Variants in NELL1 observed in about 807,000 individuals in gnomAD.
NELL1 encodes neural EGFL like 1.
In NELL1, 76 loss-of-function variants were observed where a neutral mutation model predicts 107.4. That is an observed-to-expected ratio of 0.71 (90% CI 0.59 to 0.86). The LOEUF is 0.86. Ranked by LOEUF, NELL1 falls within the 40% of genes least tolerant of loss-of-function variation. The pLI, the probability that NELL1 is intolerant of heterozygous loss-of-function variation, is 0.00. For synonymous variants in NELL1, 353 were observed against 341.2 expected, an observed-to-expected ratio of 1.03 and a Z score of -0.38; for missense variants, 1,024 against 1,005.5, an observed-to-expected ratio of 1.02 and a Z score of -0.25.
At position 21,350,029 on chromosome 11, in the gene NELL1, A is replaced by T. The variant is rs560680239; in HGVS notation, c.1550-20824A>T. Reference sequence around the variant, plus strand: ...ATAATTTTTAAAAATCTGATAGATGATAGGACACCTCAGCAGTCATGCTTG... The same window carrying T: ...ATAATTTTTAAAAATCTGATAGATGTTAGGACACCTCAGCAGTCATGCTTG... On this transcript the variant is annotated intron_variant, in intron 14 of 19. Transcript: ENST00000357134. 9.2e-5 allele frequency among the ~76,000 whole-genome samples: 14 copies of T among 152,286 alleles called. No homozygotes were observed. The East Asian group carries it at 2.5e-3, about 27-fold the overall frequency.
chr11:21,479,643 A>G (rs1016288440), intron 15 of NELL1, among the ~76,000 whole-genome samples: 1 of 152,346 alleles, frequency 6.6e-6, no homozygotes. Context: ...GACTAAAGTC[A>G]ACAGTAATTC....
chr11:21,047,524 CTTAG>C (rs148194434), intron 12 of NELL1, among the ~76,000 whole-genome samples: 2,292 of 152,154 alleles, frequency 0.015, 61 homozygotes, highest in African/African-American at 0.05. Context: ...CAAATGCCTA[CTTAG>C]TTAGTAGTAG....
At chr11:20,860,387 A>C (rs1848956975) in intron 4 of NELL1, among the ~76,000 whole-genome samples, 1 of 152,212 alleles carries the variant, frequency 6.6e-6, no homozygotes, top group Admixed American at 6.5e-5. Context: ...TGAATGAATG[A>C]ATAAATGGCA....
intron 13 of NELL1, among the ~76,000 whole-genome samples, chr11:21,208,855 G>A (rs896792585): frequency 1.3e-5 from 2 of 152,122 alleles, no homozygotes; most frequent in African/African-American, 4.8e-5. Context: ...GTTCCACCAA[G>A]GGTAATAGAA....
intron 12 of NELL1, among the ~76,000 whole-genome samples, chr11:21,066,713 G>T (rs1853880458): frequency 6.6e-6 from 1 of 152,098 alleles, no homozygotes; most frequent in Non-Finnish European, 1.5e-5. Context: ...ACTTTGGGAG[G>T]CTGAGGTGGG....
intron 12 of NELL1, among the ~76,000 whole-genome samples, chr11:20,994,034 A>G (rs1333981632): frequency 6.6e-6 from 1 of 152,242 alleles, no homozygotes; most frequent in Non-Finnish European, 1.5e-5. Context: ...GTAATCATGT[A>G]ATCCCTATCT....
chr11:20,932,782 C>G (rs1446794762), intron 9 of NELL1, among the ~76,000 whole-genome samples: 2 of 152,196 alleles, frequency 1.3e-5, no homozygotes, highest in Non-Finnish European at 2.9e-5. Flanking sequence ...ATGCTCTTGA[C>G]CTGTTGGCTC....
At chr11:21,306,655 C>G (rs1849611079) in intron 14 of NELL1, among the ~76,000 whole-genome samples, 1 of 151,996 alleles carries the variant, frequency 6.6e-6, no homozygotes, top group Admixed American at 6.6e-5. Context: ...TCAACTTCAC[C>G]TAATAAATGA....
At chr11:20,756,861 A>G (rs1177196610) in intron 2 of NELL1, among the ~76,000 whole-genome samples, 1 of 152,078 alleles carries the variant, frequency 6.6e-6, no homozygotes, top group African/African-American at 2.4e-5. Context: ...GCTCGTATTC[A>G]GTTCTGGGCA....
chr11:21,444,503 G>C (rs771547739), intron 15 of NELL1, among the ~76,000 whole-genome samples: 1 of 152,024 alleles, frequency 6.6e-6, no homozygotes, highest in African/African-American at 2.4e-5. Context: ...ATTATTTTGA[G>C]TCTTTGCTAA....
chr11:21,232,151 A>AAT (rs1565122701), intron 14 of NELL1, among the ~76,000 whole-genome samples: 74 of 57,822 alleles, frequency 1.3e-3, no homozygotes, highest in African/African-American at 4.6e-3. Context: ...AAAAAATAAA[A>AAT]AAAAAAAAAT....
chr11:21,019,668 C>G (rs1211573137), intron 12 of NELL1, among the ~76,000 whole-genome samples: 1 of 152,022 alleles, frequency 6.6e-6, no homozygotes, highest in Non-Finnish European at 1.5e-5. Context: ...ACAAGAGAAG[C>G]TCCCAACAAC....
At chr11:20,840,418 C>G (rs548964653) in intron 3 of NELL1, among the ~76,000 whole-genome samples, 39 of 152,290 alleles carry the variant, frequency 2.6e-4, no homozygotes, top group East Asian at 1.9e-3. Context: ...GAAAAGATGG[C>G]TTATCTCTAT....
intron 9 of NELL1, among the ~76,000 whole-genome samples, chr11:20,934,140 T>C (rs1850675093): frequency 6.6e-6 from 1 of 151,912 alleles, no homozygotes; most frequent in Non-Finnish European, 1.5e-5. Context: ...GATCAAGAGG[T>C]TGGATAATAA....
intron 15 of NELL1, among the ~76,000 whole-genome samples, chr11:21,467,762 G>A (rs12804458): frequency 0.027 from 4,181 of 152,128 alleles, 69 homozygotes; most frequent in Middle Eastern, 0.061. Context: ...GCTCGTAACA[G>A]GGAGCATGGG....
chr11:20,992,194 G>A (rs1393464967), intron 12 of NELL1, among the ~76,000 whole-genome samples: 3 of 152,154 alleles, frequency 2.0e-5, no homozygotes, highest in Non-Finnish European at 4.4e-5. Flanking sequence ...CAATTTAAAT[G>A]TGATCTCAAT....
At chr11:21,119,284 C>T (rs1855307010) in intron 13 of NELL1, among the ~76,000 whole-genome samples, 1 of 151,052 alleles carries the variant, frequency 6.6e-6, no homozygotes, top group Admixed American at 6.6e-5. Flanking sequence ...CAGAAGACTA[C>T]ACCTGAGACA....
chr11:20,723,734 G>GC (rs1855445723), intron 2 of NELL1, among the ~76,000 whole-genome samples: 1 of 148,542 alleles, frequency 6.7e-6, no homozygotes, highest in African/African-American at 2.6e-5. Flanking sequence ...GGACTCTGTG[G>GC]GGGGGGGCTC....
intron 13 of NELL1, among the ~76,000 whole-genome samples, chr11:21,130,094 TTTTTA>T (rs916752704): frequency 6.6e-6 from 1 of 152,180 alleles, no homozygotes; most frequent in African/African-American, 2.4e-5. Flanking sequence ...GGCATCCACC[TTTTTA>T]TTTTAATTTA....
Sources: allele counts gnomAD v4.1 joint callset (sites outside exome capture counted in the v4.1 genomes callset), GRCh38; gene constraint gnomAD v4.1.1; transcripts MANE v1.5; gene names NCBI Gene and HGNC (gene_info 2026-07-23, HGNC 2026-07-21).